PPHLN1: variants seen among roughly 807,000 people sequenced by gnomAD.
PPHLN1 encodes periphilin-1.
Under a neutral mutation model 51.3 loss-of-function variants are expected in PPHLN1, and 29 were observed. The ratio of observed to expected loss-of-function variants is 0.57; its 90% CI spans 0.42 to 0.77. The LOEUF (loss-of-function observed/expected upper bound fraction) is 0.77, where lower values mean the gene tolerates loss of function less well. Among genes scored for constraint, PPHLN1 ranks in the 30% least tolerant of loss-of-function variants. The probability of loss-of-function intolerance (pLI) is 0.00; values close to 1 mark genes in which losing one functional copy is unlikely to be tolerated. For missense variants in PPHLN1, 436 were observed against 438.4 expected, an observed-to-expected ratio of 0.99 and a Z score of 0.05; for synonymous variants, 147 against 147.8, an observed-to-expected ratio of 0.99 and a Z score of 0.04.
At chr12:42,392,604 C>T (rs908437864) in intron 7 of PPHLN1, among the ~76,000 whole-genome samples, 4 of 152,106 alleles carry the variant, frequency 2.6e-5, no homozygotes, top group Admixed American at 6.5e-5. Context: ...ATTACCTTAA[C>T]GGCCCTAAGG....
chr12:42,375,435 C>T (rs919476550), intron 5 of PPHLN1: 1 of 169,322 alleles, frequency 5.9e-6, no homozygotes, highest in African/African-American at 2.4e-5. Flanking sequence ...CCCCAGCATC[C>T]TGAGTAGCTG....
chr12:42,440,247 T>C (rs1436066152), intron 9 of PPHLN1, among the ~76,000 whole-genome samples: 1 of 152,062 alleles, frequency 6.6e-6, no homozygotes, highest in Non-Finnish European at 1.5e-5. Flanking sequence ...CTAATATAAA[T>C]GGTGTTGTGT....
In PPHLN1 at chr12:42,414,619, C is replaced by T. The variant is rs967479281; in HGVS notation, c.909+15625C>T. Among the ~76,000 whole-genome samples, 34 of 152,162 alleles carry T rather than the reference C, an allele frequency of 2.2e-4. 1 individual carries two copies. The highest frequency in any genetic ancestry group is 7.7e-4 in the African/African-American group (32 of 41,452). ...TATAGCAGTGCTACTGATTCATATA[C>T]ACTGATTTTGTAACCTGAGACTTTA... On this transcript the variant is annotated intron_variant, in intron 9 of 9. Transcript: ENST00000358314.
chr12:42,420,657 T>G (rs1334064165), intron 9 of PPHLN1, among the ~76,000 whole-genome samples: 1 of 121,016 alleles, frequency 8.3e-6, no homozygotes, highest in Non-Finnish European at 1.7e-5. Context: ...CTTCCTTCCC[T>G]CCTTCCCTCC....
intron 9 of PPHLN1, among the ~76,000 whole-genome samples, chr12:42,422,199 A>G (rs2081066753): frequency 6.6e-6 from 1 of 152,242 alleles, no homozygotes; most frequent in Non-Finnish European, 1.5e-5. Context: ...AAGTCAAACC[A>G]TAAATAATAA....
downstream of PPHLN1, chr12:42,442,952 A>C (rs2083084208): frequency 1.5e-6 from 1 of 670,368 alleles, no homozygotes; most frequent in South Asian, 2.4e-5. Context: ...CCCCAGAAGA[A>C]GGCACGCTGG....
At chr12:42,409,489 T>C (rs1322461509) in intron 9 of PPHLN1, among the ~76,000 whole-genome samples, 1 of 152,160 alleles carries the variant, frequency 6.6e-6, no homozygotes, top group East Asian at 1.9e-4. Flanking sequence ...CTTTAAAATA[T>C]ATAACAGCAG....
intron 8 of PPHLN1, among the ~76,000 whole-genome samples, chr12:42,396,176 TTTA>T (rs1461582346): frequency 1.3e-5 from 2 of 152,188 alleles, no homozygotes; most frequent in Non-Finnish European, 2.9e-5. Context: ...GAGATTTTAA[TTTA>T]TTATTAATAT....
intron 5 of PPHLN1, among the ~76,000 whole-genome samples, chr12:42,379,481 A>C (rs2076585729): frequency 1.3e-5 from 2 of 150,496 alleles, no homozygotes; most frequent in East Asian, 3.9e-4. Flanking sequence ...TATTTGGTTT[A>C]TTTTGCTGTT....
rs186584042 is a variant in PPHLN1 at position 42,326,517 on chromosome 12, T to A, written c.-21+288T>A. Among the ~76,000 whole-genome samples the A allele has an allele frequency of 3.8e-4, 58 of 152,212 alleles. 2 individuals are homozygous for A. The highest frequency in any genetic ancestry group is 1.4e-3 in the African/African-American group (58 of 41,536). Reference sequence around the variant, plus strand: ...CGAGAGGAGTCAGGAAGTCGGTAATTTTACTGAAGGTGTTCACGGTACCCA... The same window carrying A: ...CGAGAGGAGTCAGGAAGTCGGTAATATTACTGAAGGTGTTCACGGTACCCA... On this transcript the variant is annotated intron_variant, in intron 1 of 9. Transcript: ENST00000358314.
chr12:42,350,824 C>T (rs1162148467), intron 2 of PPHLN1, among the ~76,000 whole-genome samples: 5 of 151,988 alleles, frequency 3.3e-5, no homozygotes, highest in Non-Finnish European at 7.4e-5. Context: ...ACCAGTCAGG[C>T]ATGGCGGCGC....
intron 7 of PPHLN1, among the ~76,000 whole-genome samples, chr12:42,388,498 T>C (rs547361942): frequency 6.6e-6 from 1 of 152,308 alleles, no homozygotes; most frequent in South Asian, 2.1e-4. Flanking sequence ...GCTCTCCTAC[T>C]GCATTCCTCT....
chr12:42,371,544 T>A (rs2075807271), intron 4 of PPHLN1, among the ~76,000 whole-genome samples: 1 of 152,220 alleles, frequency 6.6e-6, no homozygotes, highest in African/African-American at 2.4e-5. Flanking sequence ...CTGTTCTAAC[T>A]ACTTCAGTTC....
intron 1 of PPHLN1, chr12:42,332,516 A>G: frequency 3.6e-6 from 2 of 556,000 alleles, no homozygotes; most frequent in South Asian, 2.2e-5. Context: ...GGCCAAAATG[A>G]TATCTTCTAT....
At chr12:42,426,641 A>T (rs925554296) in intron 9 of PPHLN1, among the ~76,000 whole-genome samples, 2 of 152,224 alleles carry the variant, frequency 1.3e-5, no homozygotes, top group African/African-American at 4.8e-5. Flanking sequence ...AAATGTCATT[A>T]TATTTGAATA....
At chr12:42,408,222 T>C (rs1161195408) in intron 9 of PPHLN1, among the ~76,000 whole-genome samples, 1 of 152,116 alleles carries the variant, frequency 6.6e-6, no homozygotes, top group Non-Finnish European at 1.5e-5. Context: ...ATTCTGACTC[T>C]TGGCCAGGTA....
At chr12:42,372,338 G>C (rs1231026390) in intron 4 of PPHLN1, among the ~76,000 whole-genome samples, 1 of 152,114 alleles carries the variant, frequency 6.6e-6, no homozygotes, top group East Asian at 1.9e-4. Flanking sequence ...TGCCACCTTA[G>C]GCCACTGATA....
At chr12:42,430,963 T>G (rs145312804) in intron 9 of PPHLN1, among the ~76,000 whole-genome samples, 262 of 152,362 alleles carry the variant, frequency 1.7e-3, no homozygotes, top group African/African-American at 5.4e-3. Flanking sequence ...GAAATTAGTA[T>G]TTTCAGTAGT....
intron 9 of PPHLN1, among the ~76,000 whole-genome samples, chr12:42,411,922 A>AAAG (rs1172037230): frequency 3.0e-4 from 37 of 125,366 alleles, no homozygotes; most frequent in African/African-American, 1.1e-3. Context: ...AAAAAAAAAA[A>AAAG]AGGGCTGGGC....
Sources: allele counts gnomAD v4.1 joint callset (sites outside exome capture counted in the v4.1 genomes callset), GRCh38; gene constraint gnomAD v4.1.1; transcripts MANE v1.5; gene names NCBI Gene and HGNC (gene_info 2026-07-23, HGNC 2026-07-21).